LRRC47: variants seen among roughly 807,000 people sequenced by gnomAD.
The protein encoded by LRRC47 is leucine-rich repeat-containing protein 47.
Under a neutral mutation model 40.9 loss-of-function variants are expected in LRRC47, and 31 were observed. The ratio of observed to expected loss-of-function variants is 0.76; its 90% CI spans 0.57 to 1.02. The LOEUF (loss-of-function observed/expected upper bound fraction) is 1.02, where lower values mean the gene tolerates loss of function less well. Ranked by LOEUF, LRRC47 falls within the 50% of genes least tolerant of loss-of-function variation. The probability of loss-of-function intolerance (pLI) is 0.00; values close to 1 mark genes in which losing one functional copy is unlikely to be tolerated. For synonymous variants in LRRC47, 427 were observed against 371.9 expected, an observed-to-expected ratio of 1.15 and a Z score of -1.70; for missense variants, 726 against 796.1, an observed-to-expected ratio of 0.91 and a Z score of 1.06.
intron 5 of LRRC47, 129 bp downstream of exon 5, chr1:3,782,532 G>A: frequency 1.5e-6 from 1 of 661,358 alleles, no homozygotes; most frequent in Non-Finnish European, 2.8e-6. Flanking sequence ...GACCTCAGGT[G>A]ATCCGCCCAC....
chr1:3,779,598 C>G lies in LRRC47; in HGVS notation c.*1490G>C, dbSNP rs963092327. 6.6e-6 allele frequency: 1 copy of G among 152,166 alleles called. No individual in the cohort carries two copies. The highest frequency in any genetic ancestry group is 1.5e-5 in the Non-Finnish European group (1 of 68,028). 9.4% of individuals were successfully genotyped at this position (152,166 alleles called of 1,614,324 possible). A position where few individuals can be genotyped will look rare whatever the true frequency, so the allele number is the denominator to read the frequency against. On this transcript the variant is annotated 3_prime_UTR_variant, in exon 7 of 7. Transcript: ENST00000378251. ...CGGAAACGTCTACAACAGAAGGCGC[C>G]CAGGACCCACCTTTCTGGCGCATAA...
chr1:3,791,683 C>A (rs1202722772), intron 1 of LRRC47, among the ~76,000 whole-genome samples: 1 of 152,080 alleles, frequency 6.6e-6, no homozygotes, highest in African/African-American at 2.4e-5. Context: ...CTTCAACTCC[C>A]AACCTCAGGT....
intron 1 of LRRC47, among the ~76,000 whole-genome samples, chr1:3,790,460 C>T (rs765122163): frequency 1.3e-5 from 2 of 152,238 alleles, no homozygotes; most frequent in Non-Finnish European, 2.9e-5. Flanking sequence ...CCCATCCATC[C>T]CTCATTCCCA....
At chr1:3,786,268 C>CCACTTT (rs1291165466) in intron 2 of LRRC47, among the ~76,000 whole-genome samples, 1 of 152,060 alleles carries the variant, frequency 6.6e-6, no homozygotes, top group Non-Finnish European at 1.5e-5. Context: ...GAGGCCAAGG[C>CCACTTT]GGGTGGACTG....
At chr1:3,781,986 T>C (rs1447313915) in intron 5 of LRRC47, among the ~76,000 whole-genome samples, 2 of 151,976 alleles carry the variant, frequency 1.3e-5, no homozygotes, top group African/African-American at 4.8e-5. Flanking sequence ...TCTCAATCAA[T>C]CAATTAAGCA....
At chr1:3,793,864 GAA>G (rs1277359519) in intron 1 of LRRC47, among the ~76,000 whole-genome samples, 1 of 151,952 alleles carries the variant, frequency 6.6e-6, no homozygotes, top group African/African-American at 2.4e-5. Context: ...AACTATCCTT[GAA>G]AAACCCCGCC....
chr1:3,785,025 G>A (rs1305507351), intron 3 of LRRC47, 62 bp downstream of exon 3: 2 of 1,295,226 alleles, frequency 1.5e-6, no homozygotes, highest in African/African-American at 3.1e-5. Flanking sequence ...TGCAGTAGCA[G>A]CATGGCGTCT....
At chr1:3,792,407 G>C (rs1643634583) in intron 1 of LRRC47, among the ~76,000 whole-genome samples, 1 of 151,772 alleles carries the variant, frequency 6.6e-6, no homozygotes, top group Admixed American at 6.6e-5. Flanking sequence ...ACATTGTTTT[G>C]GGCACCATAA....
rs1266379445 is a variant in LRRC47, at chr1:3,781,604, TAAAA to T, written c.1414-7_1414-4del. On this transcript the variant is annotated splice_polypyrimidine_tract_variant and splice_region_variant and intron_variant, in intron 5 of 6. Transcript: ENST00000378251. The stretch of plus-strand genomic sequence containing the variant: ...AAATCAGAAGTCGTTTTCTTAACCT[TAAAA>T]GAAAAAAACATTTCAGAAAAGAACA... The T allele has an allele frequency of 1.9e-6, 3 of 1,607,516 alleles. No homozygotes were observed. The East Asian group carries it at 6.7e-5, about 36-fold the overall frequency.
At position 3,780,115 on chromosome 1, in the gene LRRC47, G is replaced by A. The variant is rs1643504138; in HGVS notation, c.*973C>T. On this transcript the variant is annotated 3_prime_UTR_variant, in exon 7 of 7. Transcript: ENST00000378251. ...AAACGCACATCGGTTGGCTTCCCAA[G>A]TTTTCGGGTCTCCGAACCAGTGACA... The A allele has an allele frequency of 6.6e-6, 1 of 152,200 alleles. No homozygotes were observed. The highest frequency in any genetic ancestry group is 1.5e-5 in the Non-Finnish European group (1 of 68,042). 9.4% of individuals were successfully genotyped at this position (152,200 alleles called of 1,614,324 possible). A position where few individuals can be genotyped will look rare whatever the true frequency, so the allele number is the denominator to read the frequency against.
rs1643560189 is a variant in LRRC47 at position 3,785,168 on chromosome 1, C to T, written c.1113G>A (p.Thr371=). Reference sequence around the variant, plus strand: ...GCTCGTGGGTGGCAAGGGTGGCAGCCGTCCTCTTCTCACAGAGATCTTCGT... The same window carrying T: ...GCTCGTGGGTGGCAAGGGTGGCAGCTGTCCTCTTCTCACAGAGATCTTCGT... The part of the protein sequence containing the change: ...KLHEDLCEKR[T]AATLATHELR... Residue 371 remains threonine (T), a synonymous_variant, in exon 3 of 7, where the codon ACG becomes ACA. Coordinates refer to ENST00000378251, the MANE Select transcript of LRRC47 (RefSeq NM_020710.3). 5 of 1,592,770 alleles carry T rather than the reference C, an allele frequency of 3.1e-6. No homozygotes were observed. Among genetic ancestry groups the T allele is most frequent in the East Asian group, 2.3e-5 (1 of 43,244 alleles).
At chr1:3,791,358 C>G (rs981467209) in intron 1 of LRRC47, among the ~76,000 whole-genome samples, 3 of 152,256 alleles carry the variant, frequency 2.0e-5, no homozygotes, top group Admixed American at 6.5e-5. Context: ...AGTCTTCCTA[C>G]AGAGGAGCAA....
intron 3 of LRRC47, among the ~76,000 whole-genome samples, chr1:3,784,594 C>T (rs1369032032): frequency 6.6e-6 from 1 of 152,234 alleles, no homozygotes; most frequent in Non-Finnish European, 1.5e-5. Flanking sequence ...CCAACGACTG[C>T]TCATCCGCCG....
intron 2 of LRRC47, 71 bp downstream of exon 2, chr1:3,786,778 C>T (rs1643578289): frequency 7.1e-7 from 1 of 1,413,460 alleles, no homozygotes; most frequent in Admixed American, 2.3e-5. Context: ...ACGCTGGCCT[C>T]AGGATGTGTC....
chr1:3,781,086 C>T lies in LRRC47; in HGVS notation c.*2G>A, dbSNP rs144287205. 6.2e-6 allele frequency: 10 copies of T among 1,612,144 alleles called. No homozygotes were observed. The East Asian group carries it at 8.9e-5, about 14-fold the overall frequency. ...AACAAACGCGGACAGGCGGCCCTGG[C>T]GTCAGCGCACGACAGTCACGTGGGG... On this transcript the variant is annotated 3_prime_UTR_variant, in exon 7 of 7. Transcript: ENST00000378251.
Position 3,785,160 on chromosome 1 carries a change from G to A in LRRC47, c.1121C>T (p.Thr374Ile). ...EDLCEKRTAA[T>I]LATHELRAVK... ...GGCACGGAGCTCGTGGGTGGCAAGG[G>A]TGGCAGCCGTCCTCTTCTCACAGAG... The change falls in exon 3 of 7, where the codon ACC becomes ATC. Residue 374 changes from threonine (T) to isoleucine (I), a missense_variant. Physicochemically the swap from Thr to Ile is moderately conservative, Grantham distance 89 (BLOSUM62 -1). Coordinates refer to ENST00000378251, the MANE Select transcript of LRRC47 (RefSeq NM_020710.3). 1 of 1,596,980 alleles carries A rather than the reference G, an allele frequency of 6.3e-7. No homozygotes were observed. The highest frequency in any genetic ancestry group is 8.5e-7 in the Non-Finnish European group (1 of 1,172,554).
Position 3,779,724 on chromosome 1 carries a change from C to G in LRRC47, c.*1364G>C, listed in dbSNP as rs1643500797. On this transcript the variant is annotated 3_prime_UTR_variant, in exon 7 of 7. Transcript: ENST00000378251. ...GCCGATGCTTCCCAAGCAGAGGCGT[C>G]TGGTCCACTCCTGGGGCTCCACCTG... is the stretch of plus-strand genomic sequence containing the variant. 6.6e-6 allele frequency: 1 copy of G among 152,194 alleles called. No homozygotes were observed. Among genetic ancestry groups the G allele is most frequent in the Non-Finnish European group, 1.5e-5 (1 of 68,048 alleles). The allele number at this position is 152,194 out of a possible 1,614,324, so 9.4% of individuals were successfully genotyped here. A position where few individuals can be genotyped will look rare whatever the true frequency, so the allele number is the denominator to read the frequency against.
At position 3,781,178 on chromosome 1, in the gene LRRC47, C is replaced by G; in HGVS notation, c.1662G>C (p.Arg554=). Residue 554 remains arginine, a synonymous_variant, in exon 7 of 7, where the codon CGG becomes CGC. Coordinates refer to ENST00000378251, the MANE Select transcript of LRRC47 (RefSeq NM_020710.3). ...GPSLLVVEQV[R]VVDLEGSLKV... ...TCAGGCTCCCTTCCAGATCCACCAC[C>G]CGGACCTGCTCCACCACCAGAAGGG... The G allele has an allele frequency of 6.2e-7, 1 of 1,614,166 alleles. No individual in the cohort carries two copies. The highest frequency in any genetic ancestry group is 8.5e-7 in the Non-Finnish European group (1 of 1,180,026).
intron 1 of LRRC47, among the ~76,000 whole-genome samples, chr1:3,790,960 C>T (rs929635363): frequency 1.6e-4 from 25 of 152,360 alleles, no homozygotes; most frequent in African/African-American, 6.0e-4. Flanking sequence ...TGGGCTCGCA[C>T]TTAGTTAACC....
Sources: gnomAD v4.1 joint callset for allele counts (sites outside exome capture counted in the v4.1 genomes callset) on GRCh38, gnomAD v4.1.1 for gene constraint, MANE v1.5 for transcripts, NCBI Gene and HGNC (gene_info 2026-07-23, HGNC 2026-07-21) for gene names.